The following RIMS1 variants were observed in gnomAD, a reference collection of about 807,000 sequenced individuals.
RIMS1 encodes regulating synaptic membrane exocytosis protein 1.
A neutral mutation model predicts 214.1 loss-of-function variants in RIMS1; 83 were observed. That is an observed-to-expected ratio of 0.39 (90% CI 0.32 to 0.47). The LOEUF (loss-of-function observed/expected upper bound fraction) is 0.47, where lower values mean the gene tolerates loss of function less well. Ranked by LOEUF, RIMS1 falls within the 20% of genes least tolerant of loss-of-function variation. The pLI, the probability that RIMS1 is intolerant of heterozygous loss-of-function variation, is 0.99. For synonymous variants in RIMS1, 793 were observed against 786.8 expected (o/e 1.01, Z -0.13); for missense variants, 2,050 against 2,161.8 (o/e 0.95, Z 1.03).
chr6:72,050,135 G>A (rs1263432518), intron 2 of RIMS1, among the ~76,000 whole-genome samples: 1 of 152,146 alleles, frequency 6.6e-6, no homozygotes, highest in Non-Finnish European at 1.5e-5. Context: ...TCTGCTGAGG[G>A]ATGGATCTGG....
At chr6:71,928,130 A>C (rs932682322) in intron 1 of RIMS1, among the ~76,000 whole-genome samples, 5 of 152,158 alleles carry the variant, frequency 3.3e-5, no homozygotes, top group Non-Finnish European at 5.9e-5. Flanking sequence ...GCAGAAAAGT[A>C]TGTGATGATT....
At chr6:72,271,286 A>AAAAAAATATAT (rs1417580438) in intron 22 of RIMS1, among the ~76,000 whole-genome samples, 2 of 44,424 alleles carry the variant, frequency 4.5e-5, no homozygotes, top group African/African-American at 2.1e-4. Context: ...AAAAAAAAAA[A>AAAAAAATATAT]ATATATATAT....
intron 6 of RIMS1, among the ~76,000 whole-genome samples, chr6:72,203,444 G>A (rs1427716030): frequency 2.0e-5 from 3 of 152,166 alleles, no homozygotes; most frequent in Admixed American, 2.0e-4. Context: ...AGACTGGCAT[G>A]AAGAAGGAAA....
At position 72,229,964 on chromosome 6, in the gene RIMS1, G is replaced by A. The variant is rs149796863; in HGVS notation, c.1679-3809G>A. Among the ~76,000 whole-genome samples the A allele has an allele frequency of 5.7e-3, 860 of 151,770 alleles. 2 individuals carry two copies. The highest frequency in any genetic ancestry group is 9.0e-3 in the Non-Finnish European group (608 of 67,760). ...TCAGTTGGCTTTTTGTGTATGCAGTGCATAAAAACATTCAATAAACATATT... is the reference window on the plus strand; with the variant it reads ...TCAGTTGGCTTTTTGTGTATGCAGTACATAAAAACATTCAATAAACATATT... On this transcript the variant is annotated intron_variant, in intron 6 of 33. Coordinates refer to ENST00000521978, the MANE Select transcript of RIMS1 (RefSeq NM_014989.7).
chr6:72,278,449 A>C (rs1156757180), intron 23 of RIMS1, among the ~76,000 whole-genome samples: 2 of 152,012 alleles, frequency 1.3e-5, no homozygotes, highest in Admixed American at 6.6e-5. Context: ...GTATCAAGTG[A>C]TTTCTTTTGA....
At chr6:72,203,313 A>AAT (rs1205539411) in intron 6 of RIMS1, among the ~76,000 whole-genome samples, 3 of 152,188 alleles carry the variant, frequency 2.0e-5, no homozygotes, top group Non-Finnish European at 4.4e-5. Context: ...TATGGCACCA[A>AAT]ATAGGATGCA....
intron 30 of RIMS1, among the ~76,000 whole-genome samples, chr6:72,392,478 T>TAG (rs1436016383): frequency 6.6e-6 from 1 of 152,184 alleles, no homozygotes; most frequent in Admixed American, 6.5e-5. Flanking sequence ...CCCTCTTGAA[T>TAG]AGAGCATTAG....
intron 4 of RIMS1, among the ~76,000 whole-genome samples, chr6:72,169,816 C>T (rs547403603): frequency 4.6e-5 from 7 of 152,180 alleles, no homozygotes; most frequent in African/African-American, 7.2e-5. Flanking sequence ...GAGGAAGAGG[C>T]GGATGGATCA....
chr6:72,057,258 C>A (rs1826440040), intron 2 of RIMS1, among the ~76,000 whole-genome samples: 1 of 152,186 alleles, frequency 6.6e-6, no homozygotes, highest in Non-Finnish European at 1.5e-5. Context: ...TCTGAATTCA[C>A]TGCTTTCTGG....
At chr6:72,017,798 G>T (rs1301376800) in intron 2 of RIMS1, among the ~76,000 whole-genome samples, 1 of 152,106 alleles carries the variant, frequency 6.6e-6, no homozygotes, top group Non-Finnish European at 1.5e-5. Flanking sequence ...CCCAAGAAAG[G>T]GCTTAACTAA....
intron 2 of RIMS1, among the ~76,000 whole-genome samples, chr6:72,016,302 T>C (rs556642074): frequency 6.6e-6 from 1 of 152,302 alleles, no homozygotes; most frequent in South Asian, 2.1e-4. Flanking sequence ...AGTATTGTTT[T>C]TTACTCTCCA....
At chr6:72,196,850 A>C (rs981694452) in intron 6 of RIMS1, among the ~76,000 whole-genome samples, 1 of 2,532 alleles carries the variant, frequency 3.9e-4, no homozygotes, top group Non-Finnish European at 0.024. Context: ...GCCATAAAGC[A>C]TCTTTGTGAA....
At chr6:71,905,375 C>T (rs914441773) in intron 1 of RIMS1, among the ~76,000 whole-genome samples, 1 of 152,042 alleles carries the variant, frequency 6.6e-6, no homozygotes, top group Admixed American at 6.6e-5. Context: ...CCTCTTCTAT[C>T]TTGAAGCAGT....
At chr6:72,300,912 A>C (rs566699704) in intron 26 of RIMS1, among the ~76,000 whole-genome samples, 15 of 151,880 alleles carry the variant, frequency 9.9e-5, no homozygotes, top group African/African-American at 3.6e-4. Context: ...AGTGAGACTT[A>C]AGTGATTATA....
chr6:72,261,414 A>G (rs1283722828), intron 19 of RIMS1: 2 of 985,444 alleles, frequency 2.0e-6, no homozygotes, highest in Non-Finnish European at 2.4e-6. Flanking sequence ...GACAAAAGAT[A>G]TAATTTTTGC....
At chr6:72,055,212 G>A (rs914652848) in intron 2 of RIMS1, among the ~76,000 whole-genome samples, 2 of 152,112 alleles carry the variant, frequency 1.3e-5, no homozygotes, top group Non-Finnish European at 2.9e-5. Context: ...TCAAGAAATT[G>A]CTTTTTATTT....
At chr6:72,195,926 G>C (rs574358363) in intron 6 of RIMS1, among the ~76,000 whole-genome samples, 1 of 152,154 alleles carries the variant, frequency 6.6e-6, no homozygotes, top group South Asian at 2.1e-4. Context: ...GAGTATGAAG[G>C]AGGAACTGTC....
intron 28 of RIMS1, among the ~76,000 whole-genome samples, chr6:72,325,237 T>G (rs974894216): frequency 6.6e-6 from 1 of 151,748 alleles, no homozygotes; most frequent in Non-Finnish European, 1.5e-5. Flanking sequence ...CTCATTAAAA[T>G]AGAGAGACCC....
At chr6:72,200,855 AATT>A (rs2051837130) in intron 6 of RIMS1, among the ~76,000 whole-genome samples, 2 of 96,046 alleles carry the variant, frequency 2.1e-5, no homozygotes, top group African/African-American at 3.7e-5. Context: ...GAAAGGACAC[AATT>A]GTGTGTGTGT....
Sources: gnomAD v4.1 joint callset for allele counts (sites outside exome capture counted in the v4.1 genomes callset) on GRCh38, gnomAD v4.1.1 for gene constraint, MANE v1.5 for transcripts, NCBI Gene and HGNC (gene_info 2026-07-23, HGNC 2026-07-21) for gene names.